The following HTRA1 variants were observed in gnomAD, a reference collection of about 807,000 sequenced individuals.
The protein encoded by HTRA1 is serine protease HTRA1.
In HTRA1, 26 loss-of-function variants were observed where a neutral mutation model predicts 49.7. That is an observed-to-expected ratio of 0.52 (90% CI 0.38 to 0.73). HTRA1 has a LOEUF of 0.73. Among genes scored for constraint, HTRA1 ranks in the 30% least tolerant of loss-of-function variants. The pLI is 0.00. For missense variants in HTRA1, 561 were observed against 667.2 expected (o/e 0.84, Z 1.75); for synonymous variants, 291 against 286.9 (o/e 1.01, Z -0.14).
In HTRA1 at chr10:122,487,810, A is replaced by G. The variant is rs2097493724; in HGVS notation, c.473-1092A>G. 6.6e-6 allele frequency among the ~76,000 whole-genome samples: 1 copy of G among 152,216 alleles called. No individual in the cohort carries two copies. Among genetic ancestry groups the G allele is most frequent in the African/African-American group, 2.4e-5 (1 of 41,464 alleles). On this transcript the variant is annotated intron_variant, in intron 1 of 8. Transcript: ENST00000368984. The surrounding 1 kb of genome is among the most constrained non-coding windows in gnomAD (Gnocchi z 4.8). Reference sequence around the variant, plus strand: ...CTGAATACTGTAGGCAGTTGTAACAATGGTGAGTATTTGTGTATTCAAACA... The same window carrying G: ...CTGAATACTGTAGGCAGTTGTAACAGTGGTGAGTATTTGTGTATTCAAACA...
intron 1 of HTRA1, among the ~76,000 whole-genome samples, chr10:122,462,845 G>A (rs1330756114): frequency 6.6e-6 from 1 of 152,224 alleles, no homozygotes; most frequent in Non-Finnish European, 1.5e-5. Flanking sequence ...AAGGGACCGG[G>A]TTAGTGATGA....
chr10:122,483,640 G>A (rs188727203), intron 1 of HTRA1, among the ~76,000 whole-genome samples: 127 of 152,338 alleles, frequency 8.3e-4, no homozygotes, highest in Middle Eastern at 3.4e-3. Flanking sequence ...TTCACTGAGA[G>A]TATGCTTAAT....
At position 122,511,964 on chromosome 10, in the gene HTRA1, G is replaced by T. The variant is rs1395756516; in HGVS notation, c.1179-6G>T. The T allele has an allele frequency of 6.2e-7, 1 of 1,612,432 alleles. No homozygotes were observed. ...CACTAACACGGGTGCTTTTTCTCTG[G>T]AGCAGCAAAGCCAAAGAGCTGAAGG... On this transcript the variant is annotated splice_polypyrimidine_tract_variant and splice_region_variant and intron_variant, in intron 7 of 8. Coordinates refer to ENST00000368984, the MANE Select transcript of HTRA1 (RefSeq NM_002775.5).
chr10:122,507,471 G>C lies in HTRA1; in HGVS notation c.1005+69G>C, dbSNP rs112641831. On this transcript the variant is annotated intron_variant, in intron 5 of 8. Transcript: ENST00000368984. ...TGTATACGCTGTTTTTTGTTTGTTT[G>C]TTTGTTGTTTGTTTGTTTTTGAGGC... 1.2e-4 allele frequency: 137 copies of C among 1,156,352 alleles called. No homozygotes were observed. In the African/African-American group the frequency reaches 1.8e-3, roughly 15 times the overall value. The allele number at this position is 1,156,352 out of a possible 1,614,324, so 71.6% of individuals were successfully genotyped here. A position where few individuals can be genotyped will look rare whatever the true frequency, so the allele number is the denominator to read the frequency against.
Position 122,506,999 on chromosome 10 carries a change from C to A in HTRA1, c.972+114C>A. ...TTGTAGTCTGCGTGAAGGGATGGAACTAGACCAAGCCATGTGGATTCTAGT... is the reference window on the plus strand; with the variant it reads ...TTGTAGTCTGCGTGAAGGGATGGAAATAGACCAAGCCATGTGGATTCTAGT... On this transcript the variant is annotated intron_variant, in intron 4 of 8. Coordinates refer to ENST00000368984, the MANE Select transcript of HTRA1 (RefSeq NM_002775.5). The surrounding 1 kb of genome is among the most constrained non-coding windows in gnomAD (Gnocchi z 5.2). 1 of 929,422 alleles carries A rather than the reference C, an allele frequency of 1.1e-6. No homozygotes were observed. The highest frequency in any genetic ancestry group is 1.7e-6 in the Non-Finnish European group (1 of 593,534). The allele number at this position is 929,422 out of a possible 1,614,324, so 57.6% of individuals were successfully genotyped here. A position where few individuals can be genotyped will look rare whatever the true frequency, so the allele number is the denominator to read the frequency against.
chr10:122,482,640 C>T (rs186563607), intron 1 of HTRA1, among the ~76,000 whole-genome samples: 2 of 152,174 alleles, frequency 1.3e-5, no homozygotes, highest in Non-Finnish European at 2.9e-5. Context: ...ACATATTCGG[C>T]CAGGTGCGGT....
At chr10:122,475,369 C>G (rs140644752) in intron 1 of HTRA1, among the ~76,000 whole-genome samples, 1 of 152,170 alleles carries the variant, frequency 6.6e-6, no homozygotes, top group Admixed American at 6.5e-5. Flanking sequence ...TGCTGCAAGT[C>G]GAGGCCAGGC....
intron 3 of HTRA1, among the ~76,000 whole-genome samples, chr10:122,497,036 G>A (rs2097499010): frequency 6.6e-6 from 1 of 152,212 alleles, no homozygotes; most frequent in South Asian, 2.1e-4. Context: ...CATTGATGCA[G>A]TTCCGTAGCT....
chr10:122,496,909 G>T (rs890551540), intron 3 of HTRA1, among the ~76,000 whole-genome samples: 1 of 152,052 alleles, frequency 6.6e-6, no homozygotes, highest in African/African-American at 2.4e-5. Context: ...GTTGGTTCTG[G>T]TTCTTTGGGG....
intron 1 of HTRA1, among the ~76,000 whole-genome samples, chr10:122,474,440 G>A (rs1348588512): frequency 3.9e-5 from 6 of 152,092 alleles, no homozygotes; most frequent in South Asian, 2.1e-4. Flanking sequence ...CCTCCCTCAC[G>A]TCTCTTCTGC....
At chr10:122,493,024 G>T (rs1022844816) in intron 3 of HTRA1, among the ~76,000 whole-genome samples, 1 of 152,196 alleles carries the variant, frequency 6.6e-6, no homozygotes, top group Non-Finnish European at 1.5e-5. Flanking sequence ...ATCTCCAGTG[G>T]CTTGAAGTTG....
intron 4 of HTRA1, 48 bp from the exon 5 acceptor site, chr10:122,507,321 AC>A (rs1258171419): frequency 1.3e-6 from 2 of 1,525,756 alleles, no homozygotes; most frequent in African/African-American, 2.7e-5. Flanking sequence ...CATAGATTGA[AC>A]CATGTTATGA....
At position 122,494,394 on chromosome 10, in the gene HTRA1, T is replaced by C. The variant is rs546136110; in HGVS notation, c.777+4768T>C. Among the ~76,000 whole-genome samples the C allele has an allele frequency of 6.6e-6, 1 of 152,130 alleles. No homozygotes were observed. Among genetic ancestry groups the C allele is most frequent in the Non-Finnish European group, 1.5e-5 (1 of 68,016 alleles). ...CATCGAGCTTCCCTCCTATATTCAATGAGGAAATGACCCTGCAGAAGGCTG... is the reference window on the plus strand; with the variant it reads ...CATCGAGCTTCCCTCCTATATTCAACGAGGAAATGACCCTGCAGAAGGCTG... On this transcript the variant is annotated intron_variant, in intron 3 of 8. Transcript: ENST00000368984. The surrounding 1 kb of genome is among the most constrained non-coding windows in gnomAD (Gnocchi z 4.0).
chr10:122,501,285 C>G (rs2097500758), intron 3 of HTRA1, among the ~76,000 whole-genome samples: 1 of 152,206 alleles, frequency 6.6e-6, no homozygotes, highest in Non-Finnish European at 1.5e-5. Context: ...TCACCTGAAC[C>G]TGCCTGTCAC....
At chr10:122,470,873 C>A (rs1198115352) in intron 1 of HTRA1, among the ~76,000 whole-genome samples, 1 of 152,082 alleles carries the variant, frequency 6.6e-6, no homozygotes, top group African/African-American at 2.4e-5. Flanking sequence ...CATGGGTCTC[C>A]TCTGGGCATG....
rs17103643 is a variant in HTRA1 at position 122,502,338 on chromosome 10, A to C, written c.778-4353A>C. ...GTTGGTTGTAATATGCATGAACACT[A>C]AGAGCCATCTTTAATCATGCTGTGG... On this transcript the variant is annotated intron_variant, in intron 3 of 8. Transcript: ENST00000368984. Among the ~76,000 whole-genome samples, 372 of 152,308 alleles carry C rather than the reference A, an allele frequency of 2.4e-3. 5 individuals are homozygous for C. Among genetic ancestry groups the C allele is most frequent in the Admixed American group, 0.02 (313 of 15,300 alleles).
intron 1 of HTRA1, among the ~76,000 whole-genome samples, chr10:122,484,797 C>T (rs906073483): frequency 2.6e-5 from 4 of 152,190 alleles, no homozygotes; most frequent in Non-Finnish European, 5.9e-5. Flanking sequence ...CCATCTGAGG[C>T]CAGAGCCTGT....
chr10:122,478,638 T>C (rs1393840644), intron 1 of HTRA1, among the ~76,000 whole-genome samples: 1 of 149,468 alleles, frequency 6.7e-6, no homozygotes, highest in African/African-American at 2.5e-5. Flanking sequence ...ATGATCTGCC[T>C]GCCTTGGCCT....
rs1475325407 is a variant in HTRA1, at chr10:122,494,654, C to A, written c.777+5028C>A. On this transcript the variant is annotated intron_variant, in intron 3 of 8. Transcript: ENST00000368984. This position sits in a 1 kb window ranked among gnomAD's most constrained non-coding sequence, Gnocchi z 4.0. ...CCCCTGTAGGCCTGCGCCACCCCCC[C>A]AACCCCACGGCCACCTTTGGGCCAG... Among the ~76,000 whole-genome samples, 1 of 152,288 alleles carries A rather than the reference C, an allele frequency of 6.6e-6. No homozygotes were observed. Among genetic ancestry groups the A allele is most frequent in the South Asian group, 2.1e-4 (1 of 4,820 alleles).
Sources: allele counts gnomAD v4.1 joint callset (sites outside exome capture counted in the v4.1 genomes callset), GRCh38; gene constraint gnomAD v4.1.1; non-coding constraint Gnocchi (gnomAD v3.1); transcripts MANE v1.5; gene names NCBI Gene and HGNC (gene_info 2026-07-23, HGNC 2026-07-21).